The following NDUFA9 variants were observed in gnomAD, a reference collection of about 807,000 sequenced individuals.
NDUFA9 encodes the protein NADH:ubiquinone oxidoreductase subunit A9.
NDUFA9 carries 23 observed loss-of-function variants against 45.9 expected under a neutral mutation model. That is an observed-to-expected ratio of 0.50 (90% confidence interval 0.36 to 0.71). NDUFA9 has a LOEUF of 0.71. Among genes scored for constraint, NDUFA9 ranks in the 30% least tolerant of loss-of-function variants. The probability of loss-of-function intolerance (pLI) is 0.00; values close to 1 mark genes in which losing one functional copy is unlikely to be tolerated. For missense variants in NDUFA9, 466 were observed against 488.2 expected (o/e 0.95, Z 0.43); for synonymous variants, 176 against 170.5 (o/e 1.03, Z -0.25).
chr12:4,653,214 A>G (rs1945769638), intron 1 of NDUFA9, among the ~76,000 whole-genome samples: 1 of 152,264 alleles, frequency 6.6e-6, no homozygotes, highest in East Asian at 1.9e-4. Flanking sequence ...AATATTTGAC[A>G]GGACAGGGAA....
intron 8 of NDUFA9, among the ~76,000 whole-genome samples, chr12:4,672,560 C>T (rs1945893897): frequency 6.6e-6 from 1 of 152,164 alleles, no homozygotes; most frequent in Non-Finnish European, 1.5e-5. Context: ...GGGCGTCCAC[C>T]ATTGCTGAGA....
intron 8 of NDUFA9, among the ~76,000 whole-genome samples, chr12:4,677,802 G>T (rs1945928952): frequency 1.3e-5 from 2 of 152,154 alleles, no homozygotes; most frequent in South Asian, 2.1e-4. Flanking sequence ...ATACCCAAAG[G>T]ATTATAAATT....
In NDUFA9 at chr12:4,693,357, G is replaced by A. The variant is rs970298218; in HGVS notation, c.*6249G>A. 1 of 152,126 alleles carries A rather than the reference G, an allele frequency of 6.6e-6. No homozygotes were observed. Among genetic ancestry groups the A allele is most frequent in the Admixed American group, 6.6e-5 (1 of 15,252 alleles). 9.4% of individuals were successfully genotyped at this position (152,126 alleles called of 1,614,324 possible). On this transcript the variant is annotated 3_prime_UTR_variant, in exon 11 of 11. Transcript: ENST00000266544. ...ATAATAGGCTCAATTTGATAATTAG[G>A]ATGCCCAGTGTTGTGTAATAATTAA...
intron 3 of NDUFA9, among the ~76,000 whole-genome samples, chr12:4,656,395 G>T (rs1169319861): frequency 6.6e-6 from 1 of 152,168 alleles, no homozygotes; most frequent in Admixed American, 6.5e-5. Flanking sequence ...TGAACCATTG[G>T]AATTAAACCA....
rs1413006410 is a variant in NDUFA9, at chr12:4,687,580, T to C, written c.*472T>C. ...TCCATATGCCTTTTAAAAATAGTAG[T>C]ACATATATAGAAAAACATTGTCCAT... On this transcript the variant is annotated 3_prime_UTR_variant, in exon 11 of 11. Transcript: ENST00000266544. 1 of 152,356 alleles carries C rather than the reference T, an allele frequency of 6.6e-6. No homozygotes were observed. Among genetic ancestry groups the C allele is most frequent in the Non-Finnish European group, 1.5e-5 (1 of 68,166 alleles). The allele number at this position is 152,356 out of a possible 1,614,324, so 9.4% of individuals were successfully genotyped here. A position where few individuals can be genotyped will look rare whatever the true frequency, so the allele number is the denominator to read the frequency against.
intron 8 of NDUFA9, among the ~76,000 whole-genome samples, chr12:4,680,680 G>A (rs1945947189): frequency 6.6e-6 from 1 of 152,108 alleles, no homozygotes; most frequent in Non-Finnish European, 1.5e-5. Flanking sequence ...AAATCCCTCT[G>A]GAATTTGAAG....
rs184286793 is a variant in NDUFA9 at position 4,668,452 on chromosome 12, G to A, written c.656-5G>A. The A allele has an allele frequency of 8.6e-5, 139 of 1,611,860 alleles. No individual in the cohort carries two copies. In the Middle Eastern group the frequency reaches 1.3e-3, roughly 15 times the overall value. On this transcript the variant is annotated splice_polypyrimidine_tract_variant and splice_region_variant and intron_variant, in intron 6 of 10. Coordinates refer to ENST00000266544, the MANE Select transcript of NDUFA9 (RefSeq NM_005002.5). Reference sequence around the variant, plus strand: ...CAGTATAGTTCTCATTCTTTCTTCCGCTAGGTATGCATCGGTTTGGTCCTA... The same window carrying A: ...CAGTATAGTTCTCATTCTTTCTTCCACTAGGTATGCATCGGTTTGGTCCTA...
chr12:4,663,911 T>C (rs1322717850), intron 6 of NDUFA9, among the ~76,000 whole-genome samples: 1 of 152,166 alleles, frequency 6.6e-6, no homozygotes, highest in Non-Finnish European at 1.5e-5. Flanking sequence ...TAAGATGTCA[T>C]TGGAAACTGG....
chr12:4,650,884 T>C (rs1231574038), intron 1 of NDUFA9, among the ~76,000 whole-genome samples: 2 of 151,806 alleles, frequency 1.3e-5, no homozygotes, highest in East Asian at 1.9e-4. Context: ...GAAAAGGAGG[T>C]TGAATGTGTT....
At chr12:4,653,605 A>G (rs1454261017) in intron 1 of NDUFA9, 1 of 451,040 alleles carries the variant, frequency 2.2e-6, no homozygotes, top group Non-Finnish European at 4.4e-6. Context: ...TAAACTTTCT[A>G]AAAGTCAGAA....
At chr12:4,663,604 C>T (rs1945836448) in intron 6 of NDUFA9, among the ~76,000 whole-genome samples, 1 of 152,162 alleles carries the variant, frequency 6.6e-6, no homozygotes, top group African/African-American at 2.4e-5. Context: ...AGGAAGAGAG[C>T]CCTTATCAGG....
chr12:4,663,615 A>G (rs1945836557), intron 6 of NDUFA9, among the ~76,000 whole-genome samples: 1 of 152,202 alleles, frequency 6.6e-6, no homozygotes, highest in Non-Finnish European at 1.5e-5. Flanking sequence ...CCTTATCAGG[A>G]ACCAAACTGG....
intron 6 of NDUFA9, among the ~76,000 whole-genome samples, chr12:4,663,833 G>A (rs1442639584): frequency 6.6e-6 from 1 of 152,170 alleles, no homozygotes; most frequent in African/African-American, 2.4e-5. Context: ...GGCTAGAAGA[G>A]TTTTGAGGTA....
intron 3 of NDUFA9, 153 bp downstream of exon 3, chr12:4,655,075 C>T: frequency 1.7e-6 from 1 of 602,738 alleles, no homozygotes. Context: ...TAGGTTCCGG[C>T]ATCTCCTTTG....
rs141563132 is a variant in NDUFA9, at chr12:4,680,282, C to T, written c.801-1923C>T. Among the ~76,000 whole-genome samples, 29 of 152,280 alleles carry T rather than the reference C, an allele frequency of 1.9e-4. No individual in the cohort carries two copies. The East Asian group carries it at 4.0e-3, about 21-fold the overall frequency. On this transcript the variant is annotated intron_variant, in intron 8 of 10. Transcript: ENST00000266544. Reference sequence around the variant, plus strand: ...GAAGTCAATCAGTTCAATTGTATTTCGTCTACAGTTTTGTCCTTCTGGGGT... The same window carrying T: ...GAAGTCAATCAGTTCAATTGTATTTTGTCTACAGTTTTGTCCTTCTGGGGT...
chr12:4,653,432 C>G (rs577118509), intron 1 of NDUFA9: 1 of 286,752 alleles, frequency 3.5e-6, no homozygotes, highest in African/African-American at 2.3e-5. Flanking sequence ...TAGTGAGTTT[C>G]CCAACTCCAC....
chr12:4,660,485 G>A (rs1323400460), intron 5 of NDUFA9, among the ~76,000 whole-genome samples: 5 of 152,168 alleles, frequency 3.3e-5, no homozygotes, highest in Non-Finnish European at 7.3e-5. Flanking sequence ...AGACAGAAAT[G>A]TGGGAGTTAC....
chr12:4,675,558 A>G (rs972198803), intron 8 of NDUFA9, among the ~76,000 whole-genome samples: 1 of 152,258 alleles, frequency 6.6e-6, no homozygotes, highest in African/African-American at 2.4e-5. Flanking sequence ...TAGAAAATCT[A>G]GAAGAAATGG....
chr12:4,681,671 G>C (rs1312840221), intron 8 of NDUFA9, among the ~76,000 whole-genome samples: 1 of 150,626 alleles, frequency 6.6e-6, no homozygotes, highest in East Asian at 1.9e-4. Context: ...AAGCAGTTTA[G>C]AAGTATTCAA....
Sources: gnomAD v4.1 joint callset for allele counts (sites outside exome capture counted in the v4.1 genomes callset) on GRCh38, gnomAD v4.1.1 for gene constraint, MANE v1.5 for transcripts, NCBI Gene and HGNC (gene_info 2026-07-23, HGNC 2026-07-21) for gene names.